Variants in LYST observed in about 807,000 individuals in gnomAD.
LYST encodes the protein lysosomal-trafficking regulator.
Under a neutral mutation model 413.6 loss-of-function variants are expected in LYST, and 192 were observed. The observed-to-expected ratio is 0.46, with a 90% CI of 0.41 to 0.52. LYST has a LOEUF of 0.52. Ranked by LOEUF, LYST falls within the 20% of genes least tolerant of loss-of-function variation. LYST has a pLI of 0.00. For synonymous variants in LYST, 1,525 were observed against 1,567.3 expected (o/e 0.97, Z 0.64); for missense variants, 3,815 against 4,499.9 (o/e 0.85, Z 4.35).
intron 1 of LYST, among the ~76,000 whole-genome samples, chr1:235,864,692 C>T (rs963793614): frequency 1.3e-5 from 2 of 152,172 alleles, no homozygotes; most frequent in Non-Finnish European, 2.9e-5. Flanking sequence ...AGAATGTTGA[C>T]ACGCCAAGGT....
chr1:235,839,669 C>T (rs7518998), intron 1 of LYST: 64,802 of 149,620 alleles, frequency 0.43, 14,989 homozygotes, highest in African/African-American at 0.58. Flanking sequence ...TAGCCATGTG[C>T]GGTGGCACCG....
intron 10 of LYST, among the ~76,000 whole-genome samples, chr1:235,795,975 AAG>A (rs1297384114): frequency 6.6e-6 from 1 of 152,164 alleles, no homozygotes; most frequent in East Asian, 1.9e-4. Flanking sequence ...ACAATCAAAA[AAG>A]AGCTCTTAAA....
rs1669923121 is a variant in LYST at position 235,782,068 on chromosome 1, C to G, written c.4882G>C (p.Asp1628His). 1.2e-6 allele frequency: 2 copies of G among 1,612,850 alleles called. No homozygotes were observed. Among genetic ancestry groups the G allele is most frequent in the South Asian group, 1.1e-5 (1 of 91,036 alleles). ...SGQRKPDVTLDFMLPRKTSLS... is the reference protein window; with the variant it reads ...SGQRKPDVTLHFMLPRKTSLS... ...CTTGTTTTTCTTGGAAGCATAAAATCCAAAGTAACATCAGGCTTCCTACAT... is the reference window on the plus strand; with the variant it reads ...CTTGTTTTTCTTGGAAGCATAAAATGCAAAGTAACATCAGGCTTCCTACAT... The change falls in exon 15 of 53, where the codon GAT becomes CAT. Residue 1628 changes from aspartate (D) to histidine (H), a missense_variant. Physicochemically the swap from Asp to His is moderately conservative, Grantham distance 81. Around this residue, in one of 4 missense-constraint regions of LYST, gnomAD observed 530 missense variants for 696.5 expected, o/e 0.76. Transcript: ENST00000389793.
intron 23 of LYST, 32 bp from the exon 24 acceptor site, chr1:235,757,490 A>T (rs760895365): frequency 6.4e-7 from 1 of 1,554,698 alleles, no homozygotes; most frequent in Non-Finnish European, 8.9e-7. Context: ...TCTTACTAAC[A>T]TGACAAGAAA....
chr1:235,843,255 TTAAG>T (rs1677422132), intron 1 of LYST, among the ~76,000 whole-genome samples: 2 of 150,932 alleles, frequency 1.3e-5, no homozygotes, highest in South Asian at 4.2e-4. Flanking sequence ...TATTTATTTA[TTAAG>T]TAAATATTTT....
intron 1 of LYST, among the ~76,000 whole-genome samples, chr1:235,835,720 G>A (rs1470968188): frequency 2.6e-5 from 4 of 152,188 alleles, no homozygotes; most frequent in African/African-American, 9.7e-5. Flanking sequence ...ACATCTGGAA[G>A]TATAGATACA....
At position 235,781,920 on chromosome 1, in the gene LYST, C is replaced by T; in HGVS notation, c.5023+7G>A. 1 of 1,590,992 alleles carries T rather than the reference C, an allele frequency of 6.3e-7. No homozygotes were observed. Among genetic ancestry groups the T allele is most frequent in the Non-Finnish European group, 8.6e-7 (1 of 1,159,152 alleles). On this transcript the variant is annotated splice_region_variant and intron_variant, in intron 15 of 52. Coordinates refer to ENST00000389793, the MANE Select transcript of LYST (RefSeq NM_000081.4). ...GAAGTGCAGTGGTGCAATCATAGCTCACTCACCGTTGAAGAGAAGCAAATT... is the reference window on the plus strand; with the variant it reads ...GAAGTGCAGTGGTGCAATCATAGCTTACTCACCGTTGAAGAGAAGCAAATT...
chr1:235,825,212 T>C (rs1459462795), intron 3 of LYST, among the ~76,000 whole-genome samples: 2 of 152,180 alleles, frequency 1.3e-5, no homozygotes, highest in Non-Finnish European at 2.9e-5. Flanking sequence ...CTCATTCTGA[T>C]AAAAGGTGTC....
At chr1:235,785,620 T>G (rs1670336795) in intron 14 of LYST, among the ~76,000 whole-genome samples, 1 of 152,192 alleles carries the variant, frequency 6.6e-6, no homozygotes. Context: ...GTATGCAGTA[T>G]TATATTCCCT....
Position 235,755,518 on chromosome 1 carries a change from T to C in LYST, c.7189A>G (p.Ile2397Val), listed in dbSNP as rs1163196512. 1 of 1,613,932 alleles carries C rather than the reference T, an allele frequency of 6.2e-7. No individual in the cohort carries two copies. The highest frequency in any genetic ancestry group is 8.5e-7 in the Non-Finnish European group (1 of 1,179,790). ...RGTQELLECF[I>V]EMFFGRHIGL... ...ATATGTCGACCAAAGAACATTTCGA[T>C]GAAGCATTCTAACAATTCTTGAGTT... is the stretch of plus-strand genomic sequence containing the variant. Residue 2397 changes from isoleucine (I) to valine (V), a missense_variant, in exon 25 of 53, where the codon ATC becomes GTC. By Grantham distance (29) the Ile-to-Val change is conservative (BLOSUM62 3). This residue lies in a region of LYST where 771 missense variants were observed against 837.1 expected (regional missense o/e 0.92). Coordinates refer to ENST00000389793, the MANE Select transcript of LYST (RefSeq NM_000081.4).
At position 235,757,441 on chromosome 1, in the gene LYST, A is replaced by G; in HGVS notation, c.6899T>C (p.Leu2300Ser). ...ATATAATCCACAGCATATAGGTACC[A>G]AACAGTCTTCAGTTACACTAAAACA... Reference protein sequence around the residue: ...ASAHSVTEDCLVPICCGLYEL... With the variant: ...ASAHSVTEDCSVPICCGLYEL... The change falls in exon 24 of 53, where the codon TTG becomes TCG. Residue 2300 changes from leucine to serine, a missense_variant. Leu to Ser is a moderately radical substitution (Grantham distance 145, BLOSUM62 -2). Coordinates refer to ENST00000389793, the MANE Select transcript of LYST (RefSeq NM_000081.4). The G allele has an allele frequency of 6.2e-7, 1 of 1,613,558 alleles. No individual in the cohort carries two copies. Among genetic ancestry groups the G allele is most frequent in the Non-Finnish European group, 8.5e-7 (1 of 1,179,620 alleles).
At chr1:235,747,565 C>A (rs924941023) in intron 28 of LYST, among the ~76,000 whole-genome samples, 1 of 151,862 alleles carries the variant, frequency 6.6e-6, no homozygotes, top group African/African-American at 2.4e-5. Context: ...AAATTCATAT[C>A]CTGTATATAT....
intron 24 of LYST, 72 bp from the exon 25 acceptor site, chr1:235,755,719 A>G: frequency 1.2e-6 from 1 of 825,060 alleles, no homozygotes; most frequent in Non-Finnish European, 2.0e-6. Flanking sequence ...TCAGTGTAAC[A>G]CAACTGTATT....
At position 235,731,097 on chromosome 1, in the gene LYST, C is replaced by A. The variant is rs375783616; in HGVS notation, c.8882G>T (p.Arg2961Leu). The A allele has an allele frequency of 1.2e-6, 2 of 1,613,364 alleles. No homozygotes were observed. Among genetic ancestry groups the A allele is most frequent in the African/African-American group, 2.7e-5 (2 of 74,880 alleles). The part of the protein sequence containing the change: ...PTEGPNRERR[R>L]LQRCYLTIPN... ...AATAGTTAAATAACATCTCTGTAAA[C>A]GTCTCCTCTCTCGATTTGGCCCTTC... is the stretch of plus-strand genomic sequence containing the variant. Residue 2961 changes from arginine (R) to leucine (L), a missense_variant, in exon 35 of 53, where the codon CGT becomes CTT. Coordinates refer to ENST00000389793, the MANE Select transcript of LYST (RefSeq NM_000081.4).
intron 45 of LYST, among the ~76,000 whole-genome samples, chr1:235,701,110 G>C (rs1661507626): frequency 6.6e-6 from 1 of 152,084 alleles, no homozygotes; most frequent in African/African-American, 2.4e-5. Context: ...TGAGATGAGG[G>C]AGCAAACTGG....
intron 1 of LYST, among the ~76,000 whole-genome samples, chr1:235,872,172 T>C (rs943683512): frequency 6.6e-6 from 1 of 151,870 alleles, no homozygotes; most frequent in Non-Finnish European, 1.5e-5. Flanking sequence ...GGCACATGCA[T>C]GTAGTCTCAG....
intron 3 of LYST, among the ~76,000 whole-genome samples, chr1:235,815,072 C>G (rs1027601936): frequency 2.0e-5 from 3 of 152,184 alleles, no homozygotes; most frequent in South Asian, 2.1e-4. Flanking sequence ...AACACCCTAC[C>G]TGCTTCCCTT....
In LYST at chr1:235,733,834, G is replaced by A; in HGVS notation, c.8608C>T (p.Gln2870Ter). ...AWQKTVNNNQ[Q>*]SLFQRLDSKS... ...TTGGAACATATAAAATCTTACCTTT[G>A]TTGATTATTGTTAACTGTTTTCTGC... is the stretch of plus-strand genomic sequence containing the variant. The change falls in exon 33 of 53, where the codon CAA becomes TAA. Residue 2870 changes from glutamine (Q) to a stop codon, truncating the protein, a stop_gained. Transcript: ENST00000389793. LOFTEE classifies it high-confidence loss of function. 6.3e-7 allele frequency: 1 copy of A among 1,591,198 alleles called. No individual in the cohort carries two copies. The highest frequency in any genetic ancestry group is 8.6e-7 in the Non-Finnish European group (1 of 1,159,412).
At chr1:235,875,308 A>G (rs941352754) in intron 1 of LYST, among the ~76,000 whole-genome samples, 1 of 152,148 alleles carries the variant, frequency 6.6e-6, no homozygotes, top group African/African-American at 2.4e-5. Context: ...TCCTCCTTTC[A>G]TTTTTAACTA....
Sources: gnomAD v4.1 joint callset for allele counts (sites outside exome capture counted in the v4.1 genomes callset) on GRCh38, gnomAD v4.1.1 for gene constraint, gnomAD v4.1.1 regional missense constraint, MANE v1.5 for transcripts, NCBI Gene and HGNC (gene_info 2026-07-23, HGNC 2026-07-21) for gene names.